PCDHGA4: variants seen among roughly 807,000 people sequenced by gnomAD.
The protein encoded by PCDHGA4 is protocadherin gamma-A4.
PCDHGA4 carries 38 observed loss-of-function variants against 54.6 expected under a neutral mutation model. The ratio of observed to expected loss-of-function variants is 0.70; its 90% CI spans 0.54 to 0.91. The LOEUF is 0.91. Ranked by LOEUF, PCDHGA4 falls within the 40% of genes least tolerant of loss-of-function variation. The probability of loss-of-function intolerance (pLI) is 0.00; values close to 1 mark genes in which losing one functional copy is unlikely to be tolerated. For missense variants in PCDHGA4, 1,298 were observed against 1,220.9 expected, an observed-to-expected ratio of 1.06 and a Z score of -0.94; for synonymous variants, 511 against 512.9, an observed-to-expected ratio of 1.00 and a Z score of 0.05.
rs1395556571 is a variant in PCDHGA4 at position 141,432,581 on chromosome 5, C to CT, written c.2515-62225dup. ...CCAGAACGCCTGGCTGTCCTACCGT[C>CT]TGCTCAAGGCCAGCGAGCCGGGACT... On this transcript the variant is annotated intron_variant, in intron 1 of 3. Coordinates refer to ENST00000571252, the MANE Select transcript of PCDHGA4 (RefSeq NM_018917.4). This position sits in a 1 kb window ranked among gnomAD's most constrained non-coding sequence, Gnocchi z 6.0. 6.2e-7 allele frequency: 1 copy of CT among 1,613,930 alleles called. No homozygotes were observed.
chr5:141,364,326 A>G, intron 1 of PCDHGA4: 1 of 1,528,198 alleles, frequency 6.5e-7, no homozygotes, highest in Non-Finnish European at 8.8e-7. Context: ...GGCAGAGAGA[A>G]GGCAATGGCG....
At chr5:141,374,520 C>G (rs1178494066) in intron 1 of PCDHGA4, 3 of 1,612,422 alleles carry the variant, frequency 1.9e-6, no homozygotes, top group Non-Finnish European at 2.5e-6. Flanking sequence ...CTCGAAAACG[C>G]AGCTCCATCC....
In PCDHGA4 at chr5:141,431,265, G is replaced by T; in HGVS notation, c.2515-63542G>T. On this transcript the variant is annotated intron_variant, in intron 1 of 3. Transcript: ENST00000571252. The surrounding 1 kb of genome is among the most constrained non-coding windows in gnomAD (Gnocchi z 4.8). ...GATATCGGGAAGAACTCTCTGCAGAGCTACGAGCTCAGCCCGAACACTCAC... is the reference window on the plus strand; with the variant it reads ...GATATCGGGAAGAACTCTCTGCAGATCTACGAGCTCAGCCCGAACACTCAC... 1 of 1,614,168 alleles carries T rather than the reference G, an allele frequency of 6.2e-7. No homozygotes were observed. The highest frequency in any genetic ancestry group is 8.5e-7 in the Non-Finnish European group (1 of 1,180,054).
chr5:141,363,496 A>G (rs1762946791), intron 1 of PCDHGA4, among the ~76,000 whole-genome samples: 1 of 152,378 alleles, frequency 6.6e-6, no homozygotes, highest in South Asian at 2.1e-4. Context: ...GATGAAATAA[A>G]ACCCCATCCT....
intron 1 of PCDHGA4, among the ~76,000 whole-genome samples, chr5:141,401,288 G>A (rs973425272): frequency 1.3e-5 from 2 of 152,094 alleles, no homozygotes; most frequent in Non-Finnish European, 2.9e-5. Flanking sequence ...GTTGCGGTGA[G>A]CCGAGATCAC....
At chr5:141,415,394 C>A (rs893251079) in intron 1 of PCDHGA4, 29 of 1,614,110 alleles carry the variant, frequency 1.8e-5, no homozygotes, top group Non-Finnish European at 2.3e-5. Context: ...ACAGGTGTGT[C>A]CGGCTCGCAC....
rs749937052 is a variant in PCDHGA4, at chr5:141,490,441, G to A, written c.2515-4366G>A. ...CCTGCCATTTCAGATTAAGCCTTCT[G>A]AGAACCACTACTCGCTGCTAACCAG... On this transcript the variant is annotated intron_variant, in intron 1 of 3. Coordinates refer to ENST00000571252, the MANE Select transcript of PCDHGA4 (RefSeq NM_018917.4). The surrounding 1 kb of genome is among the most constrained non-coding windows in gnomAD (Gnocchi z 5.4). The A allele has an allele frequency of 9.3e-6, 15 of 1,614,208 alleles. No homozygotes were observed. The highest frequency in any genetic ancestry group is 1.2e-5 in the Non-Finnish European group (14 of 1,180,042).
At chr5:141,456,827 G>A (rs183303757) in intron 1 of PCDHGA4, among the ~76,000 whole-genome samples, 13 of 152,236 alleles carry the variant, frequency 8.5e-5, no homozygotes, top group South Asian at 2.1e-4. Flanking sequence ...AGCCATCGTG[G>A]TAGTGGGCGC....
chr5:141,409,412 C>A, intron 1 of PCDHGA4: 1 of 1,614,032 alleles, frequency 6.2e-7, no homozygotes, highest in Non-Finnish European at 8.5e-7. Flanking sequence ...CTACTACAAA[C>A]TGGTGACAGA....
chr5:141,501,374 T>A (rs2099808767), intron 2 of PCDHGA4, among the ~76,000 whole-genome samples: 1 of 151,106 alleles, frequency 6.6e-6, no homozygotes. Context: ...CATCATCTCT[T>A]AAATCCTAGG....
Position 141,394,191 on chromosome 5 carries a change from T to C in PCDHGA4, c.2514+36570T>C, listed in dbSNP as rs775886477. 3 of 1,613,764 alleles carry C rather than the reference T, an allele frequency of 1.9e-6. No homozygotes were observed. The Admixed American group carries it at 5.0e-5, about 27-fold the overall frequency. On this transcript the variant is annotated intron_variant, in intron 1 of 3. Coordinates refer to ENST00000571252, the MANE Select transcript of PCDHGA4 (RefSeq NM_018917.4). ...TTTCCCTCATGCCTCCTACTCAGCG[T>C]ATATCCTAGAGAACAACCTGAGAGG...
chr5:141,375,578 G>T, intron 1 of PCDHGA4: 1 of 1,614,062 alleles, frequency 6.2e-7, no homozygotes, highest in Non-Finnish European at 8.5e-7. Flanking sequence ...CCTCCAGGGG[G>T]CGCCCCTGTC....
intron 2 of PCDHGA4, among the ~76,000 whole-genome samples, chr5:141,505,177 A>G (rs917485235): frequency 6.6e-6 from 1 of 152,180 alleles, no homozygotes; most frequent in East Asian, 1.9e-4. Flanking sequence ...AAAAGAAAAA[A>G]GCATCGGAGG....
rs755409676 is a variant in PCDHGA4 at position 141,383,729 on chromosome 5, T to C, written c.2514+26108T>C. 7 of 1,613,984 alleles carry C rather than the reference T, an allele frequency of 4.3e-6. No homozygotes were observed. In the South Asian group the frequency reaches 6.6e-5, roughly 15 times the overall value. ...CTGGACGAGGGAGTCAATGGGGAAG[T>C]GACATATTCTTTTCGGAAAATAACT... On this transcript the variant is annotated intron_variant, in intron 1 of 3. Transcript: ENST00000571252.
chr5:141,418,439 T>C (rs1284999606), intron 1 of PCDHGA4: 1 of 1,613,812 alleles, frequency 6.2e-7, no homozygotes, highest in Non-Finnish European at 8.5e-7. Flanking sequence ...ATATCCAGAA[T>C]TAGTATTGCA....
rs752088903 is a variant in PCDHGA4, at chr5:141,490,784, G to A, written c.2515-4023G>A. The A allele has an allele frequency of 1.7e-5, 27 of 1,613,906 alleles. No individual in the cohort carries two copies. The highest frequency in any genetic ancestry group is 1.2e-4 in the African/African-American group (9 of 74,922). The stretch of plus-strand genomic sequence containing the variant: ...GTGTATGTCAACCCAGAGGATGGAC[G>A]GATCTTTGCCCAGCGTACCTTTGAC... On this transcript the variant is annotated intron_variant, in intron 1 of 3. Transcript: ENST00000571252. This position sits in a 1 kb window ranked among gnomAD's most constrained non-coding sequence, Gnocchi z 5.4.
chr5:141,389,622 G>C, intron 1 of PCDHGA4: 1 of 1,612,970 alleles, frequency 6.2e-7, no homozygotes, highest in South Asian at 1.1e-5. Context: ...GCCGCACGCT[G>C]CAGAGCCTGG....
intron 1 of PCDHGA4, among the ~76,000 whole-genome samples, chr5:141,449,081 C>T (rs2098627623): frequency 6.6e-6 from 1 of 152,180 alleles, no homozygotes; most frequent in South Asian, 2.1e-4. Flanking sequence ...CCTGTACCTA[C>T]ATCAGTTTTT....
At position 141,372,291 on chromosome 5, in the gene PCDHGA4, G is replaced by C. The variant is rs1370699746; in HGVS notation, c.2514+14670G>C. 2.5e-6 allele frequency: 4 copies of C among 1,613,302 alleles called. No individual in the cohort carries two copies. In the Admixed American group the frequency reaches 6.7e-5, roughly 27 times the overall value. On this transcript the variant is annotated intron_variant, in intron 1 of 3. Transcript: ENST00000571252. ...TGAGGTGCGCACGGCGCGTACCTTG[G>C]GCGACAGGGAGGCCGCCCGCCAGCG...
Sources: gnomAD v4.1 joint callset for allele counts (sites outside exome capture counted in the v4.1 genomes callset) on GRCh38, gnomAD v4.1.1 for gene constraint, Gnocchi (gnomAD v3.1) non-coding constraint, MANE v1.5 for transcripts, NCBI Gene and HGNC (gene_info 2026-07-23, HGNC 2026-07-21) for gene names.